Variants in CCNA2 observed in about 807,000 individuals in gnomAD.
CCNA2 encodes the protein cyclin-A2.
CCNA2 carries 3 observed loss-of-function variants against 49.4 expected under a neutral mutation model. The observed-to-expected ratio is 0.06, with a 90% confidence interval of 0.03 to 0.16. The LOEUF (loss-of-function observed/expected upper bound fraction) is 0.16. CCNA2 is among the 10% of genes least tolerant of loss of function. The probability of loss-of-function intolerance (pLI) is 1.00; values close to 1 mark genes in which losing one functional copy is unlikely to be tolerated. For synonymous variants in CCNA2, 206 were observed against 197.2 expected (o/e 1.04, Z -0.37); for missense variants, 372 against 519.7 (o/e 0.72, Z 2.76).
rs540218592 is a variant in CCNA2, at chr4:121,819,771, G to C, written c.795-192C>G. ...TAATTAAAAGGCCCAAATCAATAAA[G>C]GACTTTTGAGATATTTTCCCCAGTT... On this transcript the variant is annotated intron_variant, in intron 4 of 7. Transcript: ENST00000274026. Among the ~76,000 whole-genome samples the C allele has an allele frequency of 4.6e-5, 7 of 152,066 alleles. No homozygotes were observed. In the South Asian group the frequency reaches 1.0e-3, roughly 23 times the overall value.
intron 2 of CCNA2, among the ~76,000 whole-genome samples, chr4:121,821,356 T>C (rs1308711861): frequency 2.6e-5 from 4 of 151,308 alleles, no homozygotes; most frequent in African/African-American, 4.8e-5. Flanking sequence ...AATCAGGTAT[T>C]ATCTTAAAGT....
In CCNA2 at chr4:121,821,061, A is replaced by G; in HGVS notation, c.488T>C (p.Ile163Thr). ...ESPHTMDMSI[I>T]LEDEKPVSVN... ...ACTCACTGGCTTTTCATCTTCTAAT[A>G]TAATTGACATGTCCATAGTATGTGG... Residue 163 changes from isoleucine (I) to threonine (T), a missense_variant, in exon 3 of 8, where the codon ATA becomes ACA. By Grantham distance (89) the Ile-to-Thr change is moderately conservative. This residue lies in a region of CCNA2 where 217 missense variants were observed against 231.7 expected (regional missense o/e 0.94). Transcript: ENST00000274026. The G allele has an allele frequency of 6.2e-7, 1 of 1,613,298 alleles. No homozygotes were observed. The highest frequency in any genetic ancestry group is 1.3e-5 in the African/African-American group (1 of 75,020).
chr4:121,822,270 C>T, intron 2 of CCNA2, 133 bp downstream of exon 2: 1 of 870,402 alleles, frequency 1.1e-6, no homozygotes, highest in Non-Finnish European at 1.7e-6. Flanking sequence ...CACATCCTTT[C>T]TAAGCCTTGT....
intron 2 of CCNA2, among the ~76,000 whole-genome samples, chr4:121,821,716 AAC>A (rs1724696910): frequency 6.6e-6 from 1 of 152,210 alleles, no homozygotes; most frequent in East Asian, 1.9e-4. Flanking sequence ...TTTTGATAAA[AAC>A]ACACAAATTA....
In CCNA2 at chr4:121,823,842, T is replaced by C. The variant is rs1397476468; in HGVS notation, c.-214A>G. On this transcript the variant is annotated 5_prime_UTR_variant, in exon 1 of 8. Coordinates refer to ENST00000274026, the MANE Select transcript of CCNA2 (RefSeq NM_001237.5). ...AGGCGCAGGCAGGCACTGCCCAGCG[T>C]GGCGAGCCAAAGACGCCCAGAGATG... The C allele has an allele frequency of 6.9e-6, 6 of 864,622 alleles. No homozygotes were observed. Among genetic ancestry groups the C allele is most frequent in the Non-Finnish European group, 1.0e-5 (6 of 602,996 alleles). 53.6% of individuals were successfully genotyped at this position (864,622 alleles called of 1,614,324 possible).
In CCNA2 at chr4:121,823,557, C is replaced by G; in HGVS notation, c.72G>C (p.Thr24=). Residue 24 remains threonine, a synonymous_variant, in exon 1 of 8, where the codon ACG becomes ACC. Transcript: ENST00000274026. Reference sequence around the variant, plus strand: ...TATTCTCCTGGTCCTCTTGGAGCGCCGTCTGCTGCAATGCTAGCAGCGCCG... The same window carrying G: ...TATTCTCCTGGTCCTCTTGGAGCGCGGTCTGCTGCAATGCTAGCAGCGCCG... ...AGSALLALQQ[T]ALQEDQENIN... 1 of 1,611,430 alleles carries G rather than the reference C, an allele frequency of 6.2e-7. No homozygotes were observed. Among genetic ancestry groups the G allele is most frequent in the Non-Finnish European group, 8.5e-7 (1 of 1,179,354 alleles).
In CCNA2 at chr4:121,817,650, T is replaced by A; in HGVS notation, c.1287A>T (p.Thr429=). Residue 429 remains threonine (T), a synonymous_variant, in exon 8 of 8, where the codon ACA becomes ACT. Coordinates refer to ENST00000274026, the MANE Select transcript of CCNA2 (RefSeq NM_001237.5). The part of the protein sequence containing the change: ...HGVSLLNPPE[T]LNL ...CAGTCTTTCATTGTTACAGATTTAG[T>A]GTCTCTGGTGGGTTGAGGAGAGAAA... The A allele has an allele frequency of 1.2e-6, 2 of 1,614,012 alleles. No individual in the cohort carries two copies. The highest frequency in any genetic ancestry group is 1.7e-6 in the Non-Finnish European group (2 of 1,179,928).
Position 121,817,695 on chromosome 4 carries a change from AG to A in CCNA2, c.1251-10del, listed in dbSNP as rs533166200. On this transcript the variant is annotated splice_polypyrimidine_tract_variant and intron_variant, in intron 7 of 7. Coordinates refer to ENST00000274026, the MANE Select transcript of CCNA2 (RefSeq NM_001237.5). ...GAGAAACACCATGATACCTGTAAGT[AG>A]GGAAAAAAAAAGCATTTTTAGTAAA... The A allele has an allele frequency of 1.2e-6, 2 of 1,613,730 alleles. No individual in the cohort carries two copies. Among genetic ancestry groups the A allele is most frequent in the African/African-American group, 2.7e-5 (2 of 74,932 alleles).
rs752439359 is a variant in CCNA2 at position 121,822,440 on chromosome 4, T to C, written c.420A>G (p.Pro140=). ...SAISLPGPRK[P]LVPLDYPMDG... is the part of the protein sequence containing the mutation. ...CCATTGGATAATCAAGAGGGACCAA[T>C]GGTTTTCTGGGTCCAGGTAAACTAA... is the stretch of plus-strand genomic sequence containing the variant. The change falls in exon 2 of 8, where the codon CCA becomes CCG. Residue 140 remains proline (P), a synonymous_variant. Coordinates refer to ENST00000274026, the MANE Select transcript of CCNA2 (RefSeq NM_001237.5). 5.0e-6 allele frequency: 8 copies of C among 1,614,164 alleles called. No individual in the cohort carries two copies. Among genetic ancestry groups the C allele is most frequent in the South Asian group, 1.1e-5 (1 of 91,080 alleles).
Position 121,816,697 on chromosome 4 carries a change from T to C in CCNA2, c.*941A>G. Reference sequence around the variant, plus strand: ...CACATTTTAGATCCTACTGGAAAACTAAGAAATGCCTCTTATTTCAATAAT... The same window carrying C: ...CACATTTTAGATCCTACTGGAAAACCAAGAAATGCCTCTTATTTCAATAAT... On this transcript the variant is annotated 3_prime_UTR_variant, in exon 8 of 8. Coordinates refer to ENST00000274026, the MANE Select transcript of CCNA2 (RefSeq NM_001237.5). 2 of 1,431,256 alleles carry C rather than the reference T, an allele frequency of 1.4e-6. No individual in the cohort carries two copies. Among genetic ancestry groups the C allele is most frequent in the Non-Finnish European group, 1.9e-6 (2 of 1,078,242 alleles). 88.7% of individuals were successfully genotyped at this position (1,431,256 alleles called of 1,614,324 possible). A position where few individuals can be genotyped will look rare whatever the true frequency, so the allele number is the denominator to read the frequency against.
intron 7 of CCNA2, 30 bp downstream of exon 7, chr4:121,818,014 G>A: frequency 1.9e-6 from 3 of 1,588,384 alleles, no homozygotes; most frequent in Non-Finnish European, 2.6e-6. Flanking sequence ...ATCTAGAAAA[G>A]TAAGCTTCAA....
intron 2 of CCNA2, among the ~76,000 whole-genome samples, chr4:121,821,448 T>G (rs1578514162): frequency 6.6e-6 from 1 of 152,134 alleles, no homozygotes; most frequent in Admixed American, 6.5e-5. Flanking sequence ...AGTTTTGAGA[T>G]AATATCTAAG....
rs1724569599 is a variant in CCNA2, at chr4:121,817,498, A to G, written c.*140T>C. On this transcript the variant is annotated 3_prime_UTR_variant, in exon 8 of 8. Coordinates refer to ENST00000274026, the MANE Select transcript of CCNA2 (RefSeq NM_001237.5). Reference sequence around the variant, plus strand: ...GATATACAAATTAAAACCATTTAAAAAGTAATAGATACCATAATTTGTACT... The same window carrying G: ...GATATACAAATTAAAACCATTTAAAGAGTAATAGATACCATAATTTGTACT... 1.1e-6 allele frequency: 1 copy of G among 931,306 alleles called. No individual in the cohort carries two copies. Among genetic ancestry groups the G allele is most frequent in the African/African-American group, 1.7e-5 (1 of 59,902 alleles). 57.7% of individuals were successfully genotyped at this position (931,306 alleles called of 1,614,324 possible).
At chr4:121,823,301 C>T in intron 1 of CCNA2, 115 bp downstream of exon 1, 1 of 1,302,770 alleles carries the variant, frequency 7.7e-7, no homozygotes, top group Non-Finnish European at 1.0e-6. Flanking sequence ...CACTCCAGAC[C>T]CTGGCCCCCT....
intron 5 of CCNA2, 109 bp downstream of exon 5, chr4:121,819,263 C>A (rs1724630991): frequency 1.3e-6 from 1 of 756,956 alleles, no homozygotes; most frequent in African/African-American, 1.8e-5. Flanking sequence ...AATACTAAAT[C>A]TCTTCACCAC....
Position 121,823,778 on chromosome 4 carries a change from A to C in CCNA2, c.-150T>G. 4.3e-6 allele frequency: 6 copies of C among 1,400,112 alleles called. No homozygotes were observed. In the South Asian group the frequency reaches 9.0e-5, roughly 21 times the overall value. The allele number at this position is 1,400,112 out of a possible 1,614,324, so 86.7% of individuals were successfully genotyped here. On this transcript the variant is annotated 5_prime_UTR_variant, in exon 1 of 8. Transcript: ENST00000274026. ...AGCCTACCAGCCCGCCCGCTCGCTC[A>C]CCCAGCTCGAGACCACGCAGGGCCG...
rs548341818 is a variant in CCNA2 at position 121,818,070 on chromosome 4, T to C, written c.1224A>G (p.Ser408=). The C allele has an allele frequency of 6.2e-7, 1 of 1,613,738 alleles. No individual in the cohort carries two copies. Among genetic ancestry groups the C allele is most frequent in the East Asian group, 2.2e-5 (1 of 44,880 alleles). Reference sequence around the variant, plus strand: ...TTGAATTTTTGTACTTTTCTCTTATTGACTGTTGTGCATGCTGTGGTGCTT... The same window carrying C: ...TTGAATTTTTGTACTTTTCTCTTATCGACTGTTGTGCATGCTGTGGTGCTT... ...YLKAPQHAQQ[S]IREKYKNSKY... Residue 408 remains serine, a synonymous_variant, in exon 7 of 8, where the codon TCA becomes TCG. Coordinates refer to ENST00000274026, the MANE Select transcript of CCNA2 (RefSeq NM_001237.5).
At chr4:121,819,795 TTCAG>T (rs1019562590) in intron 4 of CCNA2, among the ~76,000 whole-genome samples, 29 of 152,100 alleles carry the variant, frequency 1.9e-4, no homozygotes, top group African/African-American at 6.8e-4. Context: ...TTTTCCCCAG[TTCAG>T]TCAAAGGAAG....
chr4:121,823,463 C>G lies in CCNA2; in HGVS notation c.166G>C (p.Gly56Arg), dbSNP rs1724751454. Residue 56 changes from glycine to arginine, a missense_variant, in exon 1 of 8, where the codon GGG becomes CGG. This residue lies in a region of CCNA2 where 217 missense variants were observed against 231.7 expected (regional missense o/e 0.94). Coordinates refer to ENST00000274026, the MANE Select transcript of CCNA2 (RefSeq NM_001237.5). Reference protein sequence around the residue: ...TRAALAVLKSGNPRGLAQQQR... With the variant: ...TRAALAVLKSRNPRGLAQQQR... The stretch of plus-strand genomic sequence containing the variant: ...TGCTGCGCTAGACCCCGCGGGTTCC[C>G]GGACTTCAGTACCGCCAGCGCGGCC... 1 of 1,613,348 alleles carries G rather than the reference C, an allele frequency of 6.2e-7. No homozygotes were observed. Among genetic ancestry groups the G allele is most frequent in the Non-Finnish European group, 8.5e-7 (1 of 1,179,860 alleles).
Sources: gnomAD v4.1 joint callset for allele counts (sites outside exome capture counted in the v4.1 genomes callset) on GRCh38, gnomAD v4.1.1 for gene constraint, gnomAD v4.1.1 regional missense constraint, MANE v1.5 for transcripts, NCBI Gene and HGNC (gene_info 2026-07-23, HGNC 2026-07-21) for gene names.